C12orf54: variants seen among roughly 807,000 people sequenced by gnomAD.
C12orf54 encodes the protein uncharacterized protein C12orf54.
In C12orf54, 24 loss-of-function variants were observed where a neutral mutation model predicts 26.4. The ratio of observed to expected loss-of-function variants is 0.91; its 90% CI spans 0.66 to 1.28. C12orf54 has a LOEUF of 1.28. Ranked by LOEUF, C12orf54 falls within the 50% of genes most tolerant of loss-of-function variation. The pLI is 0.00. For synonymous variants in C12orf54, 54 were observed against 47.0 expected (o/e 1.15, Z -0.61); for missense variants, 154 against 150.9 (o/e 1.02, Z -0.11).
chr12:48,476,578 A>G, the C12orf54 span, among the ~76,000 whole-genome samples: 1 of 152,340 alleles, frequency 6.6e-6, no homozygotes, highest in East Asian at 1.9e-4. Context: ...AAAACAAAAA[A>G]AGGCAGGGGT....
At chr12:48,436,274 C>A in the C12orf54 span, among the ~76,000 whole-genome samples, 1 of 152,138 alleles carries the variant, frequency 6.6e-6, no homozygotes, top group Admixed American at 6.5e-5. Context: ...CCTGAGTGAC[C>A]TACAAACAGA....
intron 2 of C12orf54, among the ~76,000 whole-genome samples, chr12:48,485,771 C>T (rs562791367): frequency 1.4e-4 from 22 of 152,134 alleles, no homozygotes; most frequent in South Asian, 8.3e-4. Flanking sequence ...AACACTTTTT[C>T]GGGGGATAAA....
the C12orf54 span, among the ~76,000 whole-genome samples, chr12:48,465,609 C>T: frequency 6.6e-6 from 1 of 152,116 alleles, no homozygotes; most frequent in African/African-American, 2.4e-5. Context: ...AAGACATATG[C>T]ATGCATATGT....
At chr12:48,477,081 G>C in the C12orf54 span, among the ~76,000 whole-genome samples, 1 of 152,150 alleles carries the variant, frequency 6.6e-6, no homozygotes, top group African/African-American at 2.4e-5. Flanking sequence ...TAGAACTCAG[G>C]ATTAAGAAAC....
chr12:48,491,371 C>T (rs1297132474), intron 6 of C12orf54, among the ~76,000 whole-genome samples: 1 of 152,196 alleles, frequency 6.6e-6, no homozygotes, highest in Non-Finnish European at 1.5e-5. Flanking sequence ...GCTCTGCCCT[C>T]ATAAGCGAAT....
At chr12:48,421,676 C>T in the C12orf54 span, among the ~76,000 whole-genome samples, 3 of 151,822 alleles carry the variant, frequency 2.0e-5, no homozygotes, top group African/African-American at 7.3e-5. Flanking sequence ...GCTATAGGCG[C>T]ACGCCACCAC....
the C12orf54 span, among the ~76,000 whole-genome samples, chr12:48,450,966 A>C: frequency 1.3e-5 from 2 of 152,284 alleles, no homozygotes; most frequent in East Asian, 3.9e-4. Context: ...ACTCCTTCCT[A>C]GCTCATTCTA....
chr12:48,461,523 G>C, the C12orf54 span, among the ~76,000 whole-genome samples: 1 of 151,568 alleles, frequency 6.6e-6, no homozygotes, highest in Non-Finnish European at 1.5e-5. Flanking sequence ...TAAAATTCAA[G>C]TCATAAAAAT....
At chr12:48,431,145 G>T in the C12orf54 span, among the ~76,000 whole-genome samples, 1 of 152,086 alleles carries the variant, frequency 6.6e-6, no homozygotes, top group Non-Finnish European at 1.5e-5. Context: ...GGGAACTTGT[G>T]GGGAAGGGTG....
chr12:48,469,596 T>C, the C12orf54 span, among the ~76,000 whole-genome samples: 2 of 152,132 alleles, frequency 1.3e-5, no homozygotes, highest in African/African-American at 2.4e-5. Context: ...CCTCATCTTA[T>C]GAAGATGATG....
chr12:48,458,514 G>A, the C12orf54 span, among the ~76,000 whole-genome samples: 1 of 152,034 alleles, frequency 6.6e-6, no homozygotes, highest in Non-Finnish European at 1.5e-5. Flanking sequence ...CTTATTTACT[G>A]CATGGCTCAC....
At chr12:48,416,091 C>G in the C12orf54 span, among the ~76,000 whole-genome samples, 1 of 152,168 alleles carries the variant, frequency 6.6e-6, no homozygotes, top group Non-Finnish European at 1.5e-5. Flanking sequence ...TTTCTCTTCT[C>G]TTTTTATCTG....
chr12:48,486,440 G>C, intron 3 of C12orf54: 1 of 623,772 alleles, frequency 1.6e-6, no homozygotes, highest in Non-Finnish European at 2.8e-6. Flanking sequence ...GCATTGAAAA[G>C]ATGGTAAACA....
the C12orf54 span, among the ~76,000 whole-genome samples, chr12:48,455,286 T>C: frequency 6.6e-6 from 1 of 152,242 alleles, no homozygotes; most frequent in African/African-American, 2.4e-5. Flanking sequence ...TTTATTCTTT[T>C]TGATGGCAGC....
intron 3 of C12orf54, 31 bp downstream of exon 3, chr12:48,486,239 T>C (rs1316118526): frequency 2.5e-6 from 4 of 1,592,978 alleles, no homozygotes; most frequent in Non-Finnish European, 8.6e-7. Context: ...CTCTGGATCC[T>C]CTGGGGCTTC....
At chr12:48,415,506 C>A in the C12orf54 span, among the ~76,000 whole-genome samples, 3 of 152,060 alleles carry the variant, frequency 2.0e-5, no homozygotes, top group Admixed American at 1.3e-4. Flanking sequence ...ACACAGCTAA[C>A]CTCTCTATTC....
At chr12:48,438,873 A>G in the C12orf54 span, among the ~76,000 whole-genome samples, 1 of 152,218 alleles carries the variant, frequency 6.6e-6, no homozygotes, top group Non-Finnish European at 1.5e-5. Flanking sequence ...AAACACCAAA[A>G]GCAATGGCAA....
the C12orf54 span, among the ~76,000 whole-genome samples, chr12:48,455,519 C>A: frequency 3.9e-5 from 6 of 152,154 alleles, no homozygotes; most frequent in Non-Finnish European, 7.3e-5. Context: ...CTCAGAGAAA[C>A]GTCAGCAGAA....
chr12:48,473,309 C>A, the C12orf54 span: 325 of 1,159,804 alleles, frequency 2.8e-4, 1 homozygote, highest in Non-Finnish European at 3.9e-4. Context: ...AAGGTTATAA[C>A]AATGGAGAGG....
Sources: allele counts gnomAD v4.1 joint callset (sites outside exome capture counted in the v4.1 genomes callset), GRCh38; gene constraint gnomAD v4.1.1; transcripts MANE v1.5; gene names NCBI Gene and HGNC (gene_info 2026-07-23, HGNC 2026-07-21).